GFPT1: variants seen among roughly 807,000 people sequenced by gnomAD.
GFPT1 encodes glutamine--fructose-6-phosphate transaminase 1.
A neutral mutation model predicts 92.0 loss-of-function variants in GFPT1; 40 were observed. That is an observed-to-expected ratio of 0.43 (90% CI 0.34 to 0.57). The LOEUF (loss-of-function observed/expected upper bound fraction) is 0.57, where lower values mean the gene tolerates loss of function less well. GFPT1 is among the 20% of genes least tolerant of loss of function. The pLI, the probability that GFPT1 is intolerant of heterozygous loss-of-function variation, is 0.02. For synonymous variants in GFPT1, 269 were observed against 280.6 expected, an observed-to-expected ratio of 0.96 and a Z score of 0.41; for missense variants, 448 against 869.1, an observed-to-expected ratio of 0.52 and a Z score of 6.09.
intron 15 of GFPT1, among the ~76,000 whole-genome samples, chr2:69,333,000 C>A: frequency 6.6e-6 from 1 of 152,164 alleles, no homozygotes; most frequent in Non-Finnish European, 1.5e-5. Context: ...TGGTCCTCCA[C>A]AACTGCCTCC....
chr2:69,354,808 C>T (rs1041575914), intron 7 of GFPT1, among the ~76,000 whole-genome samples: 4 of 152,086 alleles, frequency 2.6e-5, no homozygotes, highest in Admixed American at 2.6e-4. Context: ...CTTGAGCCCA[C>T]GAGTTCAAGA....
intron 12 of GFPT1, among the ~76,000 whole-genome samples, chr2:69,342,739 C>T (rs1448374099): frequency 6.6e-6 from 1 of 152,168 alleles, no homozygotes; most frequent in Admixed American, 6.5e-5. Context: ...GAGTTATACA[C>T]TAGGAATGGT....
At chr2:69,343,661 C>T (rs1671011249) in intron 12 of GFPT1, among the ~76,000 whole-genome samples, 2 of 151,824 alleles carry the variant, frequency 1.3e-5, no homozygotes. Flanking sequence ...ATCCACCCAC[C>T]TTGGCCTCCC....
Position 69,356,567 on chromosome 2 carries a change from GA to G in GFPT1, c.544-11del. The G allele has an allele frequency of 5.0e-6, 8 of 1,604,396 alleles. No individual in the cohort carries two copies. The highest frequency in any genetic ancestry group is 6.8e-6 in the Non-Finnish European group (8 of 1,171,306). ...GTGCAAAAGCACCTTCCTAGGGAGG[GA>G]AAAAAATCCATTAGCACTATTTAAT... is the stretch of plus-strand genomic sequence containing the variant. On this transcript the variant is annotated splice_polypyrimidine_tract_variant and intron_variant, in intron 6 of 19. Coordinates refer to ENST00000357308, the MANE Select transcript of GFPT1 (RefSeq NM_001244710.2).
rs1258102390 is a variant in GFPT1 at position 69,322,439 on chromosome 2, C to T, written c.*3750G>A. 6.6e-6 allele frequency: 1 copy of T among 151,802 alleles called. No individual in the cohort carries two copies. Among genetic ancestry groups the T allele is most frequent in the African/African-American group, 2.4e-5 (1 of 41,348 alleles). 9.4% of individuals were successfully genotyped at this position (151,802 alleles called of 1,614,324 possible). ...GAACTTATTAAAATGTTTGTTAAAGCAAACATTTCAGTTGGTTTCCTTTCT... is the reference window on the plus strand; with the variant it reads ...GAACTTATTAAAATGTTTGTTAAAGTAAACATTTCAGTTGGTTTCCTTTCT... On this transcript the variant is annotated 3_prime_UTR_variant, in exon 20 of 20. Coordinates refer to ENST00000357308, the MANE Select transcript of GFPT1 (RefSeq NM_001244710.2).
intron 1 of GFPT1, among the ~76,000 whole-genome samples, chr2:69,376,562 G>C (rs1671876528): frequency 6.6e-6 from 1 of 151,584 alleles, no homozygotes; most frequent in Non-Finnish European, 1.5e-5. Context: ...ATCTGAACTA[G>C]TTCCCACCAC....
chr2:69,372,598 T>TTAA (rs751684012), intron 2 of GFPT1, among the ~76,000 whole-genome samples: 5 of 151,302 alleles, frequency 3.3e-5, no homozygotes, highest in Non-Finnish European at 7.4e-5. Flanking sequence ...TTGAAGAACA[T>TTAA]TAATATTTGA....
intron 1 of GFPT1, among the ~76,000 whole-genome samples, chr2:69,385,540 ATTTAT>A (rs761517988): frequency 0.021 from 1,450 of 70,044 alleles, 10 homozygotes; most frequent in Middle Eastern, 0.036. Context: ...TTATTTATTT[ATTTAT>A]TTTTTTTTCA....
intron 2 of GFPT1, among the ~76,000 whole-genome samples, chr2:69,371,636 G>C (rs1671751606): frequency 6.6e-6 from 1 of 151,190 alleles, no homozygotes; most frequent in Admixed American, 6.6e-5. Flanking sequence ...AGGAGATCGA[G>C]ACCATCCTGG....
chr2:69,329,174 A>G (rs1489911716), intron 17 of GFPT1, 123 bp downstream of exon 17: 11 of 941,234 alleles, frequency 1.2e-5, no homozygotes, highest in Non-Finnish European at 1.9e-5. Flanking sequence ...ACAAACCACA[A>G]TGCATAAATA....
chr2:69,359,973 G>C (rs1671426723), intron 4 of GFPT1, among the ~76,000 whole-genome samples: 1 of 152,120 alleles, frequency 6.6e-6, no homozygotes, highest in African/African-American at 2.4e-5. Flanking sequence ...TTTGAAAACT[G>C]TAAGAACAGA....
In GFPT1 at chr2:69,328,701, C is replaced by CTTT. The variant is rs10634143; in HGVS notation, c.1726-266_1726-264dup. Reference sequence around the variant, plus strand: ...AACATATTCATATTTCTGGTTAACCCTTTTTTTTTTTTTTTTTAAGACAGA... The same window carrying CTTT: ...AACATATTCATATTTCTGGTTAACCCTTTTTTTTTTTTTTTTTTTTAAGACAGA... On this transcript the variant is annotated intron_variant, in intron 17 of 19. Coordinates refer to ENST00000357308, the MANE Select transcript of GFPT1 (RefSeq NM_001244710.2). 0.31 allele frequency among the ~76,000 whole-genome samples: 41,983 copies of CTTT among 135,856 alleles called. 6,804 individuals carry two copies. The highest frequency in any genetic ancestry group is 0.42 in the Middle Eastern group (106 of 252). 89.1% of individuals were successfully genotyped at this position (135,856 alleles called of 152,430 possible).
At chr2:69,362,686 A>G (rs749253582) in intron 4 of GFPT1, among the ~76,000 whole-genome samples, 15 of 152,124 alleles carry the variant, frequency 9.9e-5, no homozygotes, top group African/African-American at 3.1e-4. Flanking sequence ...AGTCCCAGCT[A>G]CTTGGGAGGC....
intron 15 of GFPT1, among the ~76,000 whole-genome samples, chr2:69,334,391 A>G (rs948488257): frequency 1.1e-4 from 17 of 152,314 alleles, no homozygotes; most frequent in African/African-American, 3.1e-4. Flanking sequence ...GAAAAAAATT[A>G]AAGTCTGTAC....
intron 4 of GFPT1, 143 bp downstream of exon 4, chr2:69,363,402 C>T (rs750119956): frequency 1.9e-5 from 16 of 857,544 alleles, no homozygotes; most frequent in Non-Finnish European, 2.4e-5. Flanking sequence ...GCACTCTCAG[C>T]TCCATATGCT....
chr2:69,373,140 T>C (rs1671791129), intron 2 of GFPT1, among the ~76,000 whole-genome samples: 1 of 152,194 alleles, frequency 6.6e-6, no homozygotes, highest in Non-Finnish European at 1.5e-5. Flanking sequence ...CTTTGCTGAT[T>C]GTGCTTTGTA....
intron 12 of GFPT1, among the ~76,000 whole-genome samples, chr2:69,344,536 T>C (rs1298270689): frequency 6.6e-6 from 1 of 152,180 alleles, no homozygotes; most frequent in Non-Finnish European, 1.5e-5. Context: ...TGACTAACAA[T>C]GTGACCTTTG....
rs1387011321 is a variant in GFPT1, at chr2:69,342,158, A to C, written c.1197T>G (p.Gly399=). The change falls in exon 13 of 20, where the codon GGT becomes GGG. Residue 399 remains glycine (G), a synonymous_variant. Transcript: ENST00000357308. ...AATTTTAAAAAGCACTTACTGCTAC[A>C]CCAGCATGGTAACTTGTTCCACAAG... ...LIACGTSYHA[G]VATRQVLEEL... 1.9e-6 allele frequency: 3 copies of C among 1,588,416 alleles called. No individual in the cohort carries two copies. Among genetic ancestry groups the C allele is most frequent in the South Asian group, 1.1e-5 (1 of 90,038 alleles).
At chr2:69,367,271 T>C (rs1235635340) in intron 3 of GFPT1, among the ~76,000 whole-genome samples, 1 of 152,218 alleles carries the variant, frequency 6.6e-6, no homozygotes, top group Non-Finnish European at 1.5e-5. Context: ...CATGTTCCCA[T>C]ATGCAGAACC....
Sources: allele counts gnomAD v4.1 joint callset (sites outside exome capture counted in the v4.1 genomes callset), GRCh38; gene constraint gnomAD v4.1.1; transcripts MANE v1.5; gene names NCBI Gene and HGNC (gene_info 2026-07-23, HGNC 2026-07-21).